Variants in GALNT17 observed in about 807,000 individuals in gnomAD.
The protein encoded by GALNT17 is UDP-GalNAc:polypeptide N-acetylgalactosaminyltransferase-like 3.
GALNT17 carries 29 observed loss-of-function variants against 63.7 expected under a neutral mutation model. That is an observed-to-expected ratio of 0.46 (90% confidence interval 0.34 to 0.62). GALNT17 has a LOEUF of 0.62. Among genes scored for constraint, GALNT17 ranks in the 20% least tolerant of loss-of-function variants. The probability of loss-of-function intolerance (pLI) is 0.01; values close to 1 mark genes in which losing one functional copy is unlikely to be tolerated. For missense variants in GALNT17, 603 were observed against 799.6 expected (o/e 0.75, Z 2.97); for synonymous variants, 305 against 318.3 (o/e 0.96, Z 0.45).
chr7:71,665,404 C>T lies in GALNT17; in HGVS notation c.1081-7C>T. The T allele has an allele frequency of 1.9e-6, 3 of 1,596,736 alleles. No homozygotes were observed. The highest frequency in any genetic ancestry group is 2.6e-6 in the Non-Finnish European group (3 of 1,174,672). On this transcript the variant is annotated splice_region_variant and splice_polypyrimidine_tract_variant and intron_variant, in intron 6 of 10. Transcript: ENST00000333538. ...TTTTCAGGCTGATGAAATCTTTGTA[C>T]CCCTAGGTATGGCTCTGTGGGGGCA...
chr7:71,298,132 T>C (rs1791116926), intron 1 of GALNT17, among the ~76,000 whole-genome samples: 2 of 152,190 alleles, frequency 1.3e-5, no homozygotes, highest in Non-Finnish European at 2.9e-5. Context: ...GTGATTCTCC[T>C]GCCTCAGCCT....
intron 1 of GALNT17, among the ~76,000 whole-genome samples, chr7:71,180,811 G>A (rs559916029): frequency 5.3e-5 from 8 of 152,184 alleles, no homozygotes; most frequent in Admixed American, 2.0e-4. Context: ...TGGATGGTGT[G>A]CATGAGAAGG....
In GALNT17 at chr7:71,616,342, C is replaced by T. The variant is rs1245517819; in HGVS notation, c.1080+44940C>T. On this transcript the variant is annotated intron_variant, in intron 6 of 10. Coordinates refer to ENST00000333538, the MANE Select transcript of GALNT17 (RefSeq NM_022479.3). Reference sequence around the variant, plus strand: ...TCTCTTGTCCTCACTCGCTCCTCAACCTCACCTTTTGTTGGCTCTTTTTTA... The same window carrying T: ...TCTCTTGTCCTCACTCGCTCCTCAATCTCACCTTTTGTTGGCTCTTTTTTA... 3.3e-5 allele frequency among the ~76,000 whole-genome samples: 5 copies of T among 152,118 alleles called. No homozygotes were observed. The East Asian group carries it at 9.7e-4, about 29-fold the overall frequency.
At chr7:71,649,486 A>G (rs75503245) in intron 6 of GALNT17, among the ~76,000 whole-genome samples, 2,367 of 152,156 alleles carry the variant, frequency 0.016, 40 homozygotes, top group African/African-American at 0.048. Flanking sequence ...GGGATTCCTG[A>G]CTGGTTGAGA....
Position 71,416,066 on chromosome 7 carries a change from A to C in GALNT17, c.764+3A>C. On this transcript the variant is annotated splice_donor_region_variant and intron_variant, in intron 4 of 10. Transcript: ENST00000333538. The stretch of plus-strand genomic sequence containing the variant: ...CACGTGGAATTCACCGCTGGCTGGT[A>C]GGTCATGAGCTGAAACTCAGGGGTG... The C allele has an allele frequency of 6.2e-7, 1 of 1,608,624 alleles. No individual in the cohort carries two copies. Among genetic ancestry groups the C allele is most frequent in the Non-Finnish European group, 8.5e-7 (1 of 1,177,674 alleles).
intron 6 of GALNT17, among the ~76,000 whole-genome samples, chr7:71,596,363 G>A (rs1789887399): frequency 6.6e-6 from 1 of 152,066 alleles, no homozygotes; most frequent in African/African-American, 2.4e-5. Flanking sequence ...TAATTCAACA[G>A]CTCATGCATG....
chr7:71,423,405 T>C (rs1055481982), intron 5 of GALNT17, among the ~76,000 whole-genome samples: 12 of 152,172 alleles, frequency 7.9e-5, no homozygotes, highest in African/African-American at 2.4e-4. Context: ...TTCAGTACTT[T>C]ATGTGAGTTC....
chr7:71,635,222 AAG>A (rs1790512354), intron 6 of GALNT17, among the ~76,000 whole-genome samples: 1 of 151,640 alleles, frequency 6.6e-6, no homozygotes, highest in African/African-American at 2.4e-5. Context: ...AAAAAAAAAA[AAG>A]AGGAATGCCC....
chr7:71,417,049 T>C (rs1258216171), intron 4 of GALNT17, among the ~76,000 whole-genome samples: 1 of 152,224 alleles, frequency 6.6e-6, no homozygotes, highest in Non-Finnish European at 1.5e-5. Flanking sequence ...AAGTAACCAA[T>C]GATCCATCAA....
chr7:71,292,662 AG>A (rs1169274558), intron 1 of GALNT17, among the ~76,000 whole-genome samples: 83 of 117,792 alleles, frequency 7.0e-4, no homozygotes, highest in Non-Finnish European at 1.0e-3. Flanking sequence ...ACAGAGAGAG[AG>A]AGAGAGTGTG....
Position 71,576,529 on chromosome 7 carries a change from TTGTG to T in GALNT17, c.1080+5161_1080+5164del, listed in dbSNP as rs3048366. On this transcript the variant is annotated intron_variant, in intron 6 of 10. Transcript: ENST00000333538. Reference sequence around the variant, plus strand: ...TGCCAGCATCTGTTGTTTTTTAACTTTGTGTGTGTGTGTGTGTGTGTGTGTGTGT... The same window carrying T: ...TGCCAGCATCTGTTGTTTTTTAACTTTGTGTGTGTGTGTGTGTGTGTGTGT... 3.5e-3 allele frequency among the ~76,000 whole-genome samples: 494 copies of T among 142,910 alleles called. 3 individuals carry two copies. Among genetic ancestry groups the T allele is most frequent in the African/African-American group, 8.4e-3 (324 of 38,448 alleles). The allele number at this position is 142,910 out of a possible 152,430, so 93.8% of individuals were successfully genotyped here.
chr7:71,575,562 G>A (rs1789523711), intron 6 of GALNT17, among the ~76,000 whole-genome samples: 1 of 151,868 alleles, frequency 6.6e-6, no homozygotes, highest in Admixed American at 6.6e-5. Context: ...CTAAGTTTTT[G>A]TACTTTTAGT....
At chr7:71,258,359 T>G (rs543919854) in intron 1 of GALNT17, among the ~76,000 whole-genome samples, 35 of 152,366 alleles carry the variant, frequency 2.3e-4, no homozygotes, top group Non-Finnish European at 4.9e-4. Context: ...TCATGAAATC[T>G]TCCACGGTTT....
chr7:71,457,343 C>G (rs1787373416), intron 5 of GALNT17, among the ~76,000 whole-genome samples: 1 of 152,100 alleles, frequency 6.6e-6, no homozygotes, highest in African/African-American at 2.4e-5. Flanking sequence ...TGACTTTTCC[C>G]TTGGCTTTGT....
At chr7:71,638,187 T>C (rs1437589216) in intron 6 of GALNT17, among the ~76,000 whole-genome samples, 1 of 152,210 alleles carries the variant, frequency 6.6e-6, no homozygotes, top group Non-Finnish European at 1.5e-5. Context: ...AATTAGCATA[T>C]AGTGAGCCTT....
At chr7:71,470,767 A>G (rs10264348) in intron 5 of GALNT17, among the ~76,000 whole-genome samples, 32,505 of 152,004 alleles carry the variant, frequency 0.21, 4,289 homozygotes, top group East Asian at 0.55. Flanking sequence ...GGTGTTTTGC[A>G]TATGAATAAT....
chr7:71,150,313 G>A (rs572554384), intron 1 of GALNT17, among the ~76,000 whole-genome samples: 2 of 152,148 alleles, frequency 1.3e-5, no homozygotes, highest in East Asian at 3.9e-4. Context: ...CAGAGGCAAT[G>A]CTGTGTTCAC....
chr7:71,598,533 G>A (rs1465557737), intron 6 of GALNT17, among the ~76,000 whole-genome samples: 3 of 152,186 alleles, frequency 2.0e-5, no homozygotes, highest in Non-Finnish European at 2.9e-5. Flanking sequence ...TTGGGGCTTT[G>A]TTTGGATGTC....
chr7:71,380,141 C>T (rs143548640), intron 2 of GALNT17, among the ~76,000 whole-genome samples: 2 of 151,872 alleles, frequency 1.3e-5, no homozygotes, highest in East Asian at 1.9e-4. Context: ...ATTCTGGCCA[C>T]GTAGAGTAGA....
Sources: gnomAD v4.1 joint callset for allele counts (sites outside exome capture counted in the v4.1 genomes callset) on GRCh38, gnomAD v4.1.1 for gene constraint, MANE v1.5 for transcripts, NCBI Gene and HGNC (gene_info 2026-07-23, HGNC 2026-07-21) for gene names.